Variants in FAM83D observed in about 807,000 individuals in gnomAD.
FAM83D encodes the protein scaffolding CK1 anchoring protein D.
In FAM83D, 26 loss-of-function variants were observed where a neutral mutation model predicts 25.4. The ratio of observed to expected loss-of-function variants is 1.02; its 90% CI spans 0.75 to 1.42. The LOEUF is 1.42. Among genes scored for constraint, FAM83D ranks in the 40% most tolerant of loss-of-function variants. The pLI is 0.00. For missense variants in FAM83D, 740 were observed against 758.1 expected (o/e 0.98, Z 0.28); for synonymous variants, 310 against 318.5 (o/e 0.97, Z 0.28).
At chr20:38,933,923 C>T (rs1209302962) in intron 1 of FAM83D, among the ~76,000 whole-genome samples, 2 of 151,464 alleles carry the variant, frequency 1.3e-5, no homozygotes, top group Admixed American at 6.6e-5. Flanking sequence ...GGCACCATCT[C>T]AGCTCACTGC....
intron 1 of FAM83D, among the ~76,000 whole-genome samples, chr20:38,932,355 C>T (rs2085662028): frequency 6.6e-6 from 1 of 152,226 alleles, no homozygotes; most frequent in South Asian, 2.1e-4. Context: ...CAGTGCACTC[C>T]AGCTTGGGTG....
chr20:38,952,972 T>C lies in FAM83D; in HGVS notation c.*452T>C, dbSNP rs2085763623. ...GCATTTTTCTTAGGTTGTATGCTCT[T>C]CTGTTTTAAAGGTTTGAATCACCAG... On this transcript the variant is annotated 3_prime_UTR_variant, in exon 4 of 4. Transcript: ENST00000619850. 1 of 157,204 alleles carries C rather than the reference T, an allele frequency of 6.4e-6. No individual in the cohort carries two copies. 9.7% of individuals were successfully genotyped at this position (157,204 alleles called of 1,614,324 possible).
intron 3 of FAM83D, 90 bp downstream of exon 3, chr20:38,948,090 G>T (rs1418257518): frequency 2.0e-6 from 3 of 1,464,568 alleles, no homozygotes; most frequent in Non-Finnish European, 2.8e-6. Flanking sequence ...CTCTCAATGG[G>T]AGCCTGTATG....
chr20:38,942,277 A>G, intron 2 of FAM83D, 151 bp downstream of exon 2: 1 of 787,976 alleles, frequency 1.3e-6, no homozygotes. Context: ...CAGAAAACAA[A>G]CAGTACCTGT....
In FAM83D at chr20:38,926,742, C is replaced by G. The variant is rs570312673; in HGVS notation, c.300C>G (p.Thr100=). 2.6e-6 allele frequency: 4 copies of G among 1,534,842 alleles called. No individual in the cohort carries two copies. The highest frequency in any genetic ancestry group is 3.5e-6 in the Non-Finnish European group (4 of 1,147,302). The change falls in exon 1 of 4, where the codon ACC becomes ACG. Residue 100 remains threonine (T), a synonymous_variant. Coordinates refer to ENST00000619850, the MANE Select transcript of FAM83D (RefSeq NM_030919.3). ...FGSSHDCSSG[T]YFPEQSDLEP... is the part of the protein sequence containing the mutation. ...CCTCGCACGACTGCTCTTCGGGCAC[C>G]TACTTCCCCGAGCAGTCGGACCTGG...
At chr20:38,937,906 C>G (rs953106314) in intron 1 of FAM83D, among the ~76,000 whole-genome samples, 1 of 151,640 alleles carries the variant, frequency 6.6e-6, no homozygotes, top group East Asian at 1.9e-4. Context: ...TGCAGTGAGC[C>G]GAGATCACAC....
chr20:38,934,086 C>T (rs1259236588), intron 1 of FAM83D, among the ~76,000 whole-genome samples: 5 of 152,056 alleles, frequency 3.3e-5, no homozygotes, highest in Non-Finnish European at 5.9e-5. Flanking sequence ...AAGCTCCTGA[C>T]GTCGTGATCT....
chr20:38,940,782 C>T (rs1478781371), intron 1 of FAM83D, among the ~76,000 whole-genome samples: 1 of 152,178 alleles, frequency 6.6e-6, no homozygotes, highest in Admixed American at 6.5e-5. Context: ...GGCATTGTGG[C>T]AGGAGCAGCC....
intron 2 of FAM83D, among the ~76,000 whole-genome samples, chr20:38,947,059 C>G (rs1005369933): frequency 2.0e-5 from 3 of 152,114 alleles, no homozygotes; most frequent in African/African-American, 7.2e-5. Context: ...ATCAATGAGT[C>G]AAACAAAAAT....
chr20:38,928,578 G>A (rs2085646159), intron 1 of FAM83D, among the ~76,000 whole-genome samples: 2 of 152,214 alleles, frequency 1.3e-5, no homozygotes, highest in Non-Finnish European at 1.5e-5. Flanking sequence ...CCTGAAAAAT[G>A]TAAAGAACTG....
intron 1 of FAM83D, among the ~76,000 whole-genome samples, chr20:38,935,673 T>C (rs1273736901): frequency 6.6e-6 from 1 of 152,206 alleles, no homozygotes; most frequent in African/African-American, 2.4e-5. Flanking sequence ...CTCAAACTCC[T>C]GGCCTCAAGT....
At chr20:38,951,270 CAAAA>C (rs1363955787) in intron 3 of FAM83D, among the ~76,000 whole-genome samples, 3 of 151,710 alleles carry the variant, frequency 2.0e-5, no homozygotes, top group African/African-American at 7.2e-5. Flanking sequence ...GACCCCGTCT[CAAAA>C]CAAACAAACA....
chr20:38,928,384 A>C (rs1188185121), intron 1 of FAM83D, among the ~76,000 whole-genome samples: 1 of 152,042 alleles, frequency 6.6e-6, no homozygotes. Flanking sequence ...CCTTTGAGGG[A>C]GTGGTTGTGG....
rs1348347927 is a variant in FAM83D at position 38,952,147 on chromosome 20, C to T, written c.1385C>T (p.Ser462Leu). ...FPRGTQSTEG[S>L]PVSKMSVSRS... ...CGAGGAACTCAATCTACAGAAGGGT[C>T]ACCAGTCTCAAAAATGTCTGTATCG... is the stretch of plus-strand genomic sequence containing the variant. Residue 462 changes from serine (S) to leucine (L), a missense_variant, in exon 4 of 4, where the codon TCA (serine) becomes TTA (leucine). Physicochemically the swap from Ser to Leu is moderately radical, Grantham distance 145. This residue lies in a region of FAM83D where 375 missense variants were observed against 403.2 expected (regional missense o/e 0.93). Coordinates refer to ENST00000619850, the MANE Select transcript of FAM83D (RefSeq NM_030919.3). 2 of 1,614,052 alleles carry T rather than the reference C, an allele frequency of 1.2e-6. No individual in the cohort carries two copies. Among genetic ancestry groups the T allele is most frequent in the Admixed American group, 1.7e-5 (1 of 60,002 alleles).
intron 1 of FAM83D, among the ~76,000 whole-genome samples, chr20:38,930,604 C>G (rs2145799580): frequency 6.6e-6 from 1 of 152,262 alleles, no homozygotes; most frequent in East Asian, 1.9e-4. Flanking sequence ...ACTCAGCCTC[C>G]CGAGTAGCTG....
Position 38,952,146 on chromosome 20 carries a change from T to C in FAM83D, c.1384T>C (p.Ser462Pro). The change falls in exon 4 of 4, where the codon TCA (serine) becomes CCA (proline). Residue 462 changes from serine (S) to proline (P), a missense_variant. Physicochemically the swap from Ser to Pro is moderately conservative, Grantham distance 74. Around this residue, in one of 3 missense-constraint regions of FAM83D, gnomAD observed 375 missense variants for 403.2 expected, o/e 0.93. Transcript: ENST00000619850. ...FPRGTQSTEG[S>P]PVSKMSVSRS... ...TCGAGGAACTCAATCTACAGAAGGG[T>C]CACCAGTCTCAAAAATGTCTGTATC... The C allele has an allele frequency of 2.5e-6, 4 of 1,614,134 alleles. No homozygotes were observed. Among genetic ancestry groups the C allele is most frequent in the Non-Finnish European group, 3.4e-6 (4 of 1,180,028 alleles).
chr20:38,928,084 A>T (rs2085644053), intron 1 of FAM83D, among the ~76,000 whole-genome samples: 2 of 152,238 alleles, frequency 1.3e-5, no homozygotes, highest in South Asian at 4.1e-4. Flanking sequence ...TGGGTGTGGC[A>T]CATAGAGTGT....
intron 1 of FAM83D, among the ~76,000 whole-genome samples, chr20:38,927,287 C>A (rs1159879456): frequency 1.3e-5 from 2 of 152,170 alleles, no homozygotes; most frequent in Non-Finnish European, 1.5e-5. Context: ...GTCTGTCAGC[C>A]AACGCTAGAT....
At chr20:38,933,472 A>AATCGC (rs1234885107) in intron 1 of FAM83D, among the ~76,000 whole-genome samples, 1 of 152,236 alleles carries the variant, frequency 6.6e-6, no homozygotes, top group East Asian at 1.9e-4. Flanking sequence ...GTGGGGGCAA[A>AATCGC]ATCGCCCTCC....
Sources: allele counts gnomAD v4.1 joint callset (sites outside exome capture counted in the v4.1 genomes callset), GRCh38; gene constraint gnomAD v4.1.1; regional missense constraint gnomAD v4.1.1; transcripts MANE v1.5; gene names NCBI Gene and HGNC (gene_info 2026-07-23, HGNC 2026-07-21).